Variants in RERE observed in about 807,000 individuals in gnomAD.
The protein encoded by RERE is arginine-glutamic acid dipeptide repeats protein.
A neutral mutation model predicts 146.1 loss-of-function variants in RERE; 40 were observed. That is an observed-to-expected ratio of 0.27 (90% CI 0.21 to 0.36). The LOEUF (loss-of-function observed/expected upper bound fraction) is 0.36. RERE is among the 10% of genes least tolerant of loss of function. RERE has a pLI of 1.00. For synonymous variants in RERE, 1,003 were observed against 866.0 expected (o/e 1.16, Z -2.78); for missense variants, 1,933 against 2,138.7 (o/e 0.90, Z 1.90).
At chr1:8,458,326 A>T (rs1469459777) in intron 11 of RERE, among the ~76,000 whole-genome samples, 1 of 152,090 alleles carries the variant, frequency 6.6e-6, no homozygotes. Flanking sequence ...TGAAAATGAG[A>T]TGGAAACATG....
chr1:8,789,958 C>T (rs554990727), intron 1 of RERE, among the ~76,000 whole-genome samples: 5 of 152,296 alleles, frequency 3.3e-5, no homozygotes, highest in East Asian at 1.9e-4. Context: ...GGTTAAATTC[C>T]GCTTTTGTTC....
chr1:8,398,777 G>T (rs907909785), intron 12 of RERE, among the ~76,000 whole-genome samples: 6 of 152,154 alleles, frequency 3.9e-5, no homozygotes, highest in African/African-American at 1.2e-4. Flanking sequence ...TCTGGCACAG[G>T]GCCTTGCTAT....
chr1:8,408,633 T>C (rs1168476802), intron 12 of RERE, among the ~76,000 whole-genome samples: 1 of 151,920 alleles, frequency 6.6e-6, no homozygotes, highest in Non-Finnish European at 1.5e-5. Context: ...AAATCAAAAG[T>C]TCCTCTGGGA....
At chr1:8,413,561 C>G (rs1009449713) in intron 12 of RERE, among the ~76,000 whole-genome samples, 1 of 152,006 alleles carries the variant, frequency 6.6e-6, no homozygotes, top group Non-Finnish European at 1.5e-5. Context: ...CTAGGCTAGA[C>G]TTGAACTCCT....
At chr1:8,490,102 C>T (rs1050074302) in intron 10 of RERE, among the ~76,000 whole-genome samples, 2 of 151,010 alleles carry the variant, frequency 1.3e-5, no homozygotes, top group African/African-American at 4.9e-5. Context: ...GTGGCTCACG[C>T]CTGTAATCCC....
intron 1 of RERE, chr1:8,796,461 C>A (rs1225954061): frequency 6.6e-6 from 1 of 151,586 alleles, no homozygotes; most frequent in African/African-American, 2.4e-5. Flanking sequence ...AAAACTGCAA[C>A]TAAAAGGCAA....
chr1:8,634,798 C>T (rs971675024), intron 2 of RERE, among the ~76,000 whole-genome samples: 3 of 152,118 alleles, frequency 2.0e-5, no homozygotes, highest in African/African-American at 7.2e-5. Flanking sequence ...TGCAGTGGCG[C>T]GATCTCGGTT....
intron 12 of RERE, among the ~76,000 whole-genome samples, chr1:8,366,716 G>A (rs1396430165): frequency 6.6e-6 from 1 of 152,152 alleles, no homozygotes; most frequent in Non-Finnish European, 1.5e-5. Flanking sequence ...ACAAGGTCAG[G>A]CTTCTTTTCA....
intron 1 of RERE, among the ~76,000 whole-genome samples, chr1:8,681,011 G>A (rs945940198): frequency 2.0e-5 from 3 of 152,174 alleles, no homozygotes; most frequent in Admixed American, 2.0e-4. Context: ...TCAACCACCT[G>A]AGTGGAGAGC....
intron 12 of RERE, among the ~76,000 whole-genome samples, chr1:8,370,926 G>T (rs1431532945): frequency 6.6e-6 from 1 of 152,216 alleles, no homozygotes; most frequent in Non-Finnish European, 1.5e-5. Context: ...GATTTTGCCT[G>T]CAAGCAAACA....
intron 2 of RERE, among the ~76,000 whole-genome samples, chr1:8,634,729 G>C (rs908564301): frequency 5.3e-5 from 8 of 152,060 alleles, no homozygotes; most frequent in African/African-American, 1.7e-4. Context: ...TGAAGTCAAA[G>C]AATAAAGATT....
intron 4 of RERE, among the ~76,000 whole-genome samples, chr1:8,605,745 C>CAAAAAAAAAAAAAAAAAAAA (rs564574812): frequency 9.3e-5 from 6 of 64,536 alleles, no homozygotes; most frequent in African/African-American, 3.6e-4. Context: ...ACCCCATCTC[C>CAAAAAAAAAAAAAAAAAAAA]AAAAAAAAAA....
rs1318017782 is a variant in RERE, at chr1:8,360,525, G to A, written c.2982C>T (p.Ser994=). 4 of 1,172,612 alleles carry A rather than the reference G, an allele frequency of 3.4e-6. 1 individual carries two copies. The highest frequency in any genetic ancestry group is 3.0e-5 in the South Asian group (2 of 66,466). 72.6% of individuals were successfully genotyped at this position (1,172,612 alleles called of 1,614,324 possible). A position where few individuals can be genotyped will look rare whatever the true frequency, so the allele number is the denominator to read the frequency against. ...HPPPLQLMPQ[S]QPLPSSPAQP... ...GGGCGGGCGAGGAGGGCAATGGCTG[G>A]CTCTGAGGCATGAGTTGCAGGGGTG... Residue 994 remains serine (S), a synonymous_variant, in exon 18 of 23, where the codon AGC becomes AGT. Coordinates refer to ENST00000400908, the MANE Select transcript of RERE (RefSeq NM_001042681.2).
At chr1:8,622,500 A>AC (rs1557440624) in intron 3 of RERE, among the ~76,000 whole-genome samples, 4 of 135,488 alleles carry the variant, frequency 3.0e-5, no homozygotes, top group South Asian at 2.3e-4. Context: ...AAAAAAAAAA[A>AC]AAAAAAAAAA....
At chr1:8,604,133 T>C (rs1180667875) in intron 4 of RERE, among the ~76,000 whole-genome samples, 1 of 152,122 alleles carries the variant, frequency 6.6e-6, no homozygotes, top group Non-Finnish European at 1.5e-5. Flanking sequence ...AATGAATCAG[T>C]ATTCTCATCT....
chr1:8,736,398 G>A (rs1378523787), intron 1 of RERE, among the ~76,000 whole-genome samples: 1 of 152,006 alleles, frequency 6.6e-6, no homozygotes, highest in Non-Finnish European at 1.5e-5. Context: ...TAGTAGAGAC[G>A]GGGTTTCACC....
At chr1:8,393,809 G>T (rs1317209371) in intron 12 of RERE, among the ~76,000 whole-genome samples, 4 of 152,102 alleles carry the variant, frequency 2.6e-5, no homozygotes, top group African/African-American at 9.7e-5. Flanking sequence ...CCAGGTAAAA[G>T]TAAAAACTAT....
rs301817 is a variant in RERE at position 8,443,319 on chromosome 1, C to T, written c.1204-20512G>A. Among the ~76,000 whole-genome samples the T allele has an allele frequency of 8.6e-5, 13 of 151,618 alleles. No homozygotes were observed. In the East Asian group the frequency reaches 2.1e-3, roughly 25 times the overall value. On this transcript the variant is annotated intron_variant, in intron 11 of 22. Coordinates refer to ENST00000400908, the MANE Select transcript of RERE (RefSeq NM_001042681.2). ...CTACTAAAGATACAAAAAATTAGCC[C>T]GGCATGATGGCACACACCTGTAATC...
rs2124581725 is a variant in RERE at position 8,795,258 on chromosome 1, T to C, written c.-145+21902A>G. Among the ~76,000 whole-genome samples, 2 of 152,004 alleles carry C rather than the reference T, an allele frequency of 1.3e-5. 1 individual carries two copies. The highest frequency in any genetic ancestry group is 4.2e-4 in the South Asian group (2 of 4,810). ...CCAGGCTGGTCTCGAACTCCTGACT[T>C]TGTGACCTGCCCGCCTCGGCCTCCC... On this transcript the variant is annotated intron_variant, in intron 1 of 22. Transcript: ENST00000400908.
Sources: allele counts gnomAD v4.1 joint callset (sites outside exome capture counted in the v4.1 genomes callset), GRCh38; gene constraint gnomAD v4.1.1; transcripts MANE v1.5; gene names NCBI Gene and HGNC (gene_info 2026-07-23, HGNC 2026-07-21).